ZFPM2: variants seen among roughly 807,000 people sequenced by gnomAD.
ZFPM2 encodes the protein zinc finger protein, FOG family member 2.
ZFPM2 carries 20 observed loss-of-function variants against 98.6 expected under a neutral mutation model. The observed-to-expected ratio is 0.20, with a 90% CI of 0.14 to 0.29. ZFPM2 has a LOEUF of 0.29. Among genes scored for constraint, ZFPM2 ranks in the 10% least tolerant of loss-of-function variants. ZFPM2 has a pLI of 1.00. For missense variants in ZFPM2, 1,310 were observed against 1,388.6 expected, an observed-to-expected ratio of 0.94 and a Z score of 0.90; for synonymous variants, 518 against 502.7, an observed-to-expected ratio of 1.03 and a Z score of -0.41.
chr8:105,588,143 T>C (rs140694136), intron 4 of ZFPM2, among the ~76,000 whole-genome samples: 1 of 152,240 alleles, frequency 6.6e-6, no homozygotes, highest in Non-Finnish European at 1.5e-5. Flanking sequence ...ATTTGAAAAA[T>C]AAACCTATCT....
Position 105,505,787 on chromosome 8 carries a change from A to C in ZFPM2, c.302-55576A>C, listed in dbSNP as rs1203649817. Among the ~76,000 whole-genome samples the C allele has an allele frequency of 3.3e-5, 5 of 152,194 alleles. No homozygotes were observed. The East Asian group carries it at 9.6e-4, about 29-fold the overall frequency. ...GCCAATTTATACACAAAAGGCAATA[A>C]AATGCCATACCATAAATTCATTTTA... On this transcript the variant is annotated intron_variant, in intron 3 of 7. Coordinates refer to ENST00000407775, the MANE Select transcript of ZFPM2 (RefSeq NM_012082.4).
chr8:105,593,233 G>T (rs547519753), intron 4 of ZFPM2, among the ~76,000 whole-genome samples: 2 of 152,074 alleles, frequency 1.3e-5, no homozygotes, highest in Non-Finnish European at 2.9e-5. Context: ...GGGAGCCCAG[G>T]AATGTATTGG....
intron 3 of ZFPM2, among the ~76,000 whole-genome samples, chr8:105,469,036 G>C (rs1279627772): frequency 2.6e-5 from 4 of 151,882 alleles, no homozygotes; most frequent in South Asian, 2.1e-4. Flanking sequence ...TGTCCCATAG[G>C]GGGAAAAGTG....
At chr8:105,394,484 T>C (rs907153061) in intron 1 of ZFPM2, among the ~76,000 whole-genome samples, 5 of 152,236 alleles carry the variant, frequency 3.3e-5, no homozygotes, top group African/African-American at 1.2e-4. Flanking sequence ...TAAAATGTTA[T>C]TGAAAGTTCC....
At chr8:105,539,734 C>A (rs1425780542) in intron 3 of ZFPM2, among the ~76,000 whole-genome samples, 2 of 152,128 alleles carry the variant, frequency 1.3e-5, no homozygotes, top group Non-Finnish European at 2.9e-5. Flanking sequence ...TCACTGGGCC[C>A]TAAACAGAAA....
At chr8:105,795,899 T>C (rs1263426630) in intron 6 of ZFPM2, 2 of 346,056 alleles carry the variant, frequency 5.8e-6, no homozygotes, top group Non-Finnish European at 1.1e-5. Flanking sequence ...AGTTAGTAGG[T>C]AAGCAAAAAA....
At chr8:105,774,565 A>G (rs1193326208) in intron 5 of ZFPM2, among the ~76,000 whole-genome samples, 5 of 152,192 alleles carry the variant, frequency 3.3e-5, no homozygotes, top group African/African-American at 1.2e-4. Context: ...TAGTATTTTT[A>G]GTTTTAAAAT....
chr8:105,438,134 T>A (rs919467446), intron 2 of ZFPM2, among the ~76,000 whole-genome samples: 4 of 152,208 alleles, frequency 2.6e-5, no homozygotes, highest in Admixed American at 2.0e-4. Context: ...CAGTTTCACA[T>A]CTTCAAATTT....
intron 4 of ZFPM2, among the ~76,000 whole-genome samples, chr8:105,595,116 T>A (rs532008284): frequency 6.6e-6 from 1 of 152,142 alleles, no homozygotes; most frequent in African/African-American, 2.4e-5. Context: ...TCAAAGCAAT[T>A]TGAGAGTAAA....
At chr8:105,576,390 C>A (rs1218113877) in intron 4 of ZFPM2, among the ~76,000 whole-genome samples, 1 of 152,098 alleles carries the variant, frequency 6.6e-6, no homozygotes, top group Non-Finnish European at 1.5e-5. Flanking sequence ...AAATACCTCA[C>A]ATACCATGGA....
At chr8:105,638,717 C>T (rs1816894756) in intron 5 of ZFPM2, among the ~76,000 whole-genome samples, 1 of 151,858 alleles carries the variant, frequency 6.6e-6, no homozygotes, top group South Asian at 2.1e-4. Context: ...ATGCTTGCTT[C>T]CTAAAGTGTT....
At chr8:105,694,533 T>C (rs1351627348) in intron 5 of ZFPM2, among the ~76,000 whole-genome samples, 2 of 152,192 alleles carry the variant, frequency 1.3e-5, no homozygotes, top group African/African-American at 2.4e-5. Flanking sequence ...TGTTAGTAAC[T>C]CTTTATGAAT....
At chr8:105,673,395 C>A (rs924191500) in intron 5 of ZFPM2, among the ~76,000 whole-genome samples, 2 of 152,070 alleles carry the variant, frequency 1.3e-5, no homozygotes, top group East Asian at 1.9e-4. Flanking sequence ...CAACCACTCA[C>A]TGTAATAAGT....
intron 3 of ZFPM2, among the ~76,000 whole-genome samples, chr8:105,469,962 A>C (rs1028225737): frequency 7.9e-5 from 12 of 152,202 alleles, no homozygotes; most frequent in Non-Finnish European, 1.3e-4. Context: ...TGTCATTATA[A>C]ATATTCCCAT....
chr8:105,489,562 C>G (rs1813317103), intron 3 of ZFPM2, among the ~76,000 whole-genome samples: 1 of 148,256 alleles, frequency 6.7e-6, no homozygotes, highest in Non-Finnish European at 1.5e-5. Context: ...CTCATGGGTT[C>G]ATGGAACTGT....
At chr8:105,669,293 C>T (rs968123067) in intron 5 of ZFPM2, among the ~76,000 whole-genome samples, 5 of 151,884 alleles carry the variant, frequency 3.3e-5, no homozygotes, top group African/African-American at 1.2e-4. Context: ...CTAAAATTCT[C>T]ATAGCTCTAG....
chr8:105,422,411 C>T (rs535351553), intron 2 of ZFPM2, among the ~76,000 whole-genome samples: 69 of 151,930 alleles, frequency 4.5e-4, no homozygotes, highest in African/African-American at 1.6e-3. Flanking sequence ...ACTGCATGCC[C>T]GCCTGGGCAA....
intron 3 of ZFPM2, among the ~76,000 whole-genome samples, chr8:105,549,218 A>G (rs1018294272): frequency 6.6e-6 from 1 of 152,118 alleles, no homozygotes; most frequent in Admixed American, 6.6e-5. Context: ...ATCCAGGGAA[A>G]GTGAGAGAAA....
intron 5 of ZFPM2, among the ~76,000 whole-genome samples, chr8:105,667,936 A>G (rs1466445166): frequency 6.6e-6 from 1 of 152,236 alleles, no homozygotes; most frequent in Non-Finnish European, 1.5e-5. Flanking sequence ...AGATAAAACC[A>G]AAGCTTAAAC....
Sources: allele counts gnomAD v4.1 joint callset (sites outside exome capture counted in the v4.1 genomes callset), GRCh38; gene constraint gnomAD v4.1.1; transcripts MANE v1.5; gene names NCBI Gene and HGNC (gene_info 2026-07-23, HGNC 2026-07-21).